The following FHOD3 variants were observed in gnomAD, a reference collection of about 807,000 sequenced individuals.
The protein encoded by FHOD3 is FH1/FH2 domain-containing protein 3.
In FHOD3, 90 loss-of-function variants were observed where a neutral mutation model predicts 173.0. The ratio of observed to expected loss-of-function variants is 0.52; its 90% CI spans 0.44 to 0.62. The LOEUF (loss-of-function observed/expected upper bound fraction) is 0.62. FHOD3 is among the 20% of genes least tolerant of loss of function. The pLI, the probability that FHOD3 is intolerant of heterozygous loss-of-function variation, is 0.00. For synonymous variants in FHOD3, 828 were observed against 823.0 expected (o/e 1.01, Z -0.10); for missense variants, 1,945 against 2,034.7 (o/e 0.96, Z 0.85).
At chr18:36,513,766 C>A (rs2055793216) in intron 5 of FHOD3, among the ~76,000 whole-genome samples, 1 of 151,820 alleles carries the variant, frequency 6.6e-6, no homozygotes, top group South Asian at 2.1e-4. Context: ...GAACGTAGGG[C>A]TCATTAAAAA....
intron 3 of FHOD3, among the ~76,000 whole-genome samples, chr18:36,492,954 G>A (rs772747986): frequency 6.6e-6 from 1 of 152,068 alleles, no homozygotes; most frequent in African/African-American, 2.4e-5. Flanking sequence ...CACATCATAC[G>A]GCCAATTCCA....
intron 3 of FHOD3, among the ~76,000 whole-genome samples, chr18:36,404,841 G>A (rs556443709): frequency 6.6e-6 from 1 of 152,292 alleles, no homozygotes; most frequent in East Asian, 1.9e-4. Flanking sequence ...TTCGTCGCTA[G>A]AATTTTTTTT....
intron 9 of FHOD3, among the ~76,000 whole-genome samples, chr18:36,615,756 A>G (rs2033139302): frequency 6.6e-6 from 1 of 152,238 alleles, no homozygotes; most frequent in African/African-American, 2.4e-5. Flanking sequence ...CTAGATCTCT[A>G]GGGAAGATAT....
chr18:36,494,129 C>T (rs2054614244), intron 3 of FHOD3, among the ~76,000 whole-genome samples: 1 of 151,976 alleles, frequency 6.6e-6, no homozygotes, highest in Admixed American at 6.6e-5. Context: ...TCTGTCTTTC[C>T]CCACACACTG....
intron 3 of FHOD3, among the ~76,000 whole-genome samples, chr18:36,488,251 C>A (rs2054288857): frequency 6.6e-6 from 1 of 152,178 alleles, no homozygotes; most frequent in African/African-American, 2.4e-5. Context: ...TCCCTTTTGA[C>A]CCCAGCTAAT....
chr18:36,307,789 C>T (rs933443327), intron 1 of FHOD3, among the ~76,000 whole-genome samples: 2 of 152,168 alleles, frequency 1.3e-5, no homozygotes, highest in African/African-American at 4.8e-5. Context: ...GCATCTGTTC[C>T]TGTCACAGAA....
chr18:36,671,986 T>A (rs545890621), intron 14 of FHOD3, among the ~76,000 whole-genome samples: 1 of 152,308 alleles, frequency 6.6e-6, no homozygotes, highest in African/African-American at 2.4e-5. Flanking sequence ...GGGAGGTGTC[T>A]TGAAGAACTT....
chr18:36,511,138 C>T (rs954550824), intron 4 of FHOD3, among the ~76,000 whole-genome samples: 1 of 152,144 alleles, frequency 6.6e-6, no homozygotes, highest in African/African-American at 2.4e-5. Flanking sequence ...GAGCTTTCTA[C>T]CATTTACATC....
intron 1 of FHOD3, among the ~76,000 whole-genome samples, chr18:36,346,328 T>C (rs1445178282): frequency 1.3e-5 from 2 of 152,158 alleles, no homozygotes; most frequent in African/African-American, 4.8e-5. Flanking sequence ...TTCATGCCAC[T>C]GCACTCCAAG....
intron 9 of FHOD3, among the ~76,000 whole-genome samples, chr18:36,614,171 C>T (rs944411279): frequency 6.6e-6 from 1 of 152,224 alleles, no homozygotes; most frequent in African/African-American, 2.4e-5. Context: ...ACATTCTTCC[C>T]TGTCCCCCAT....
At chr18:36,417,002 A>G (rs1240576883) in intron 3 of FHOD3, among the ~76,000 whole-genome samples, 1 of 152,190 alleles carries the variant, frequency 6.6e-6, no homozygotes, top group Non-Finnish European at 1.5e-5. Flanking sequence ...ATATAGATAT[A>G]TATACACATA....
intron 3 of FHOD3, among the ~76,000 whole-genome samples, chr18:36,373,691 G>A (rs2047301367): frequency 6.6e-6 from 1 of 152,230 alleles, no homozygotes. Context: ...AAAGGTCAGG[G>A]TGTCAGGAGG....
At chr18:36,734,831 C>T (rs148460277) in intron 20 of FHOD3, among the ~76,000 whole-genome samples, 313 of 152,228 alleles carry the variant, frequency 2.1e-3, no homozygotes, top group Non-Finnish European at 3.7e-3. Flanking sequence ...CATGGCTTAA[C>T]GGGGTCGTTT....
intron 3 of FHOD3, among the ~76,000 whole-genome samples, chr18:36,430,521 A>G (rs2050480186): frequency 6.6e-6 from 1 of 152,244 alleles, no homozygotes; most frequent in Non-Finnish European, 1.5e-5. Context: ...CCAGCCAAAC[A>G]AATTTTTAAA....
At chr18:36,634,668 AGGT>A (rs998987504) in intron 10 of FHOD3, among the ~76,000 whole-genome samples, 3 of 152,016 alleles carry the variant, frequency 2.0e-5, no homozygotes, top group African/African-American at 7.2e-5. Context: ...GCAGCAGGTG[AGGT>A]GGGGGAGGGC....
At chr18:36,686,120 A>G (rs1568605956) in intron 15 of FHOD3, among the ~76,000 whole-genome samples, 1 of 152,306 alleles carries the variant, frequency 6.6e-6, no homozygotes, top group East Asian at 1.9e-4. Flanking sequence ...CCAAAGGAAT[A>G]TAAATCATTC....
At chr18:36,394,760 G>GT (rs552585482) in intron 3 of FHOD3, among the ~76,000 whole-genome samples, 3 of 152,158 alleles carry the variant, frequency 2.0e-5, no homozygotes, top group Admixed American at 6.5e-5. Flanking sequence ...TGTTGTTGTT[G>GT]TTGTCGTTAA....
At chr18:36,586,371 T>C (rs972864165) in intron 6 of FHOD3, among the ~76,000 whole-genome samples, 1 of 152,246 alleles carries the variant, frequency 6.6e-6, no homozygotes. Flanking sequence ...CCAATCTTGT[T>C]GATTTCCCTC....
At chr18:36,526,884 G>A (rs958024699) in intron 5 of FHOD3, among the ~76,000 whole-genome samples, 2 of 152,192 alleles carry the variant, frequency 1.3e-5, no homozygotes, top group Non-Finnish European at 2.9e-5. Flanking sequence ...TGGTGACTTT[G>A]TTTCTGAAAT....
Sources: allele counts gnomAD v4.1 joint callset (sites outside exome capture counted in the v4.1 genomes callset), GRCh38; gene constraint gnomAD v4.1.1; transcripts MANE v1.5; gene names NCBI Gene and HGNC (gene_info 2026-07-23, HGNC 2026-07-21).